Variants in NRDC observed in about 807,000 individuals in gnomAD.
The protein encoded by NRDC is nardilysin.
Under a neutral mutation model 147.1 loss-of-function variants are expected in NRDC, and 54 were observed. The ratio of observed to expected loss-of-function variants is 0.37; its 90% CI spans 0.29 to 0.46. The LOEUF (loss-of-function observed/expected upper bound fraction) is 0.46. Among genes scored for constraint, NRDC ranks in the 20% least tolerant of loss-of-function variants. NRDC has a pLI of 1.00. For synonymous variants in NRDC, 440 were observed against 482.1 expected (o/e 0.91, Z 1.14); for missense variants, 1,082 against 1,370.6 (o/e 0.79, Z 3.33).
In NRDC at chr1:51,821,629, C is replaced by T. The variant is rs1280568877; in HGVS notation, c.1160-74G>A. On this transcript the variant is annotated intron_variant, in intron 7 of 30. Coordinates refer to ENST00000352171, the MANE Select transcript of NRDC (RefSeq NM_001101662.2). ...TCAAGGTAGAAATGCAATTAGATTT[C>T]TCAGAGATCTTTAGCTAAAAAACAA... 3 of 1,047,566 alleles carry T rather than the reference C, an allele frequency of 2.9e-6. No individual in the cohort carries two copies. In the East Asian group the frequency reaches 7.2e-5, roughly 25 times the overall value. 64.9% of individuals were successfully genotyped at this position (1,047,566 alleles called of 1,614,324 possible). A position where few individuals can be genotyped will look rare whatever the true frequency, so the allele number is the denominator to read the frequency against.
intron 29 of NRDC, 43 bp from the exon 30 acceptor site, chr1:51,789,700 G>T: frequency 7.1e-7 from 1 of 1,403,594 alleles, no homozygotes; most frequent in Non-Finnish European, 1.0e-6. Context: ...CAAGAAGAAA[G>T]ATAGCTCTTA....
chr1:51,798,319 A>G lies in NRDC; in HGVS notation c.2534T>C (p.Leu845Pro). 6.2e-7 allele frequency: 1 copy of G among 1,614,204 alleles called. No homozygotes were observed. The highest frequency in any genetic ancestry group is 8.5e-7 in the Non-Finnish European group (1 of 1,179,994). ...GGATTTGAATTCTTTGACGAAGCTC[A>G]GCAGAGACTCAAGGGAAAGGCCGTC... Reference protein sequence around the residue: ...LMDGLSLESLLSFVKEFKSQL... With the variant: ...LMDGLSLESLPSFVKEFKSQL... The change falls in exon 22 of 31, where the codon CTG becomes CCG. Residue 845 changes from leucine (L) to proline (P), a missense_variant. Physicochemically the swap from Leu to Pro is moderately conservative, Grantham distance 98 (BLOSUM62 -3). Around this residue, in one of 3 missense-constraint regions of NRDC, gnomAD observed 635 missense variants for 923.8 expected, o/e 0.69. Transcript: ENST00000352171.
chr1:51,823,584 A>G (rs934046161), intron 7 of NRDC, 80 bp downstream of exon 7: 6 of 1,050,100 alleles, frequency 5.7e-6, no homozygotes, highest in Non-Finnish European at 8.1e-6. Flanking sequence ...TTAATAGTAC[A>G]CTACAACACT....
At chr1:51,851,525 A>G (rs1681947204) in intron 1 of NRDC, among the ~76,000 whole-genome samples, 1 of 149,026 alleles carries the variant, frequency 6.7e-6, no homozygotes, top group Non-Finnish European at 1.5e-5. Flanking sequence ...GAATTGGGCC[A>G]TTTTTAGATT....
chr1:51,797,583 G>A (rs1678989612), intron 22 of NRDC, among the ~76,000 whole-genome samples: 1 of 152,056 alleles, frequency 6.6e-6, no homozygotes, highest in Non-Finnish European at 1.5e-5. Context: ...ATGTATCTAT[G>A]TATGTATCCG....
At chr1:51,858,920 T>A (rs1193680759) in intron 1 of NRDC, among the ~76,000 whole-genome samples, 1 of 152,254 alleles carries the variant, frequency 6.6e-6, no homozygotes, top group Non-Finnish European at 1.5e-5. Flanking sequence ...TTTAAATTTA[T>A]GTAACAAGTC....
chr1:51,826,943 T>C (rs1680472376), intron 5 of NRDC, among the ~76,000 whole-genome samples: 1 of 152,220 alleles, frequency 6.6e-6, no homozygotes, highest in South Asian at 2.1e-4. Context: ...TTCTTGAGTC[T>C]CAAAATATGA....
chr1:51,858,906 T>C (rs767598799), intron 1 of NRDC, among the ~76,000 whole-genome samples: 1 of 152,254 alleles, frequency 6.6e-6, no homozygotes, highest in Non-Finnish European at 1.5e-5. Context: ...ACTTTTACCA[T>C]AGTTTTAAAT....
chr1:51,834,708 AG>A (rs1680866299), intron 3 of NRDC, among the ~76,000 whole-genome samples: 1 of 152,222 alleles, frequency 6.6e-6, no homozygotes, highest in South Asian at 2.1e-4. Flanking sequence ...TCATCTTTAA[AG>A]AAAGATAAGA....
At chr1:51,845,241 C>G (rs1333440560) in intron 1 of NRDC, among the ~76,000 whole-genome samples, 2 of 152,172 alleles carry the variant, frequency 1.3e-5, no homozygotes, top group African/African-American at 4.8e-5. Context: ...CTTAGGGGCC[C>G]TTGACCCAGA....
chr1:51,792,322 C>T, intron 25 of NRDC, 55 bp downstream of exon 25: 1 of 1,569,854 alleles, frequency 6.4e-7, no homozygotes, highest in African/African-American at 1.3e-5. Flanking sequence ...AAAGGCCGGG[C>T]CTCATAGTGG....
At chr1:51,863,013 G>GAAAAAAAAAAAAA (rs562410956) in intron 1 of NRDC, among the ~76,000 whole-genome samples, 14 of 32,032 alleles carry the variant, frequency 4.4e-4, no homozygotes, top group African/African-American at 8.8e-4. Context: ...CTGTGTGGAG[G>GAAAAAAAAAAAAA]AAAAAAAAAA....
chr1:51,876,481 A>G (rs1683333162), intron 1 of NRDC, among the ~76,000 whole-genome samples: 3 of 152,214 alleles, frequency 2.0e-5, no homozygotes, highest in Admixed American at 6.5e-5. Context: ...TGCATGAAAC[A>G]AAGTTTGTGT....
At chr1:51,798,579 T>G in intron 21 of NRDC, 168 bp from the exon 22 acceptor site, 1 of 575,322 alleles carries the variant, frequency 1.7e-6, no homozygotes. Context: ...AAAAAAGTAC[T>G]GAAAACCACA....
intron 1 of NRDC, among the ~76,000 whole-genome samples, chr1:51,871,043 G>A (rs1376589575): frequency 3.3e-5 from 5 of 152,046 alleles, no homozygotes; most frequent in African/African-American, 1.2e-4. Flanking sequence ...TTGGCCGGGC[G>A]TGGTGCCTCA....
intron 1 of NRDC, among the ~76,000 whole-genome samples, chr1:51,851,642 C>T (rs949303432): frequency 1.3e-5 from 2 of 151,746 alleles, no homozygotes; most frequent in Non-Finnish European, 2.9e-5. Context: ...AACCTTTAAA[C>T]TGGACCCCTA....
intron 1 of NRDC, among the ~76,000 whole-genome samples, chr1:51,846,454 T>G (rs568187008): frequency 8.7e-4 from 133 of 152,314 alleles, no homozygotes; most frequent in Non-Finnish European, 1.6e-3. Context: ...TCTTTTTGTG[T>G]CTGGAATTGT....
intron 8 of NRDC, among the ~76,000 whole-genome samples, chr1:51,821,294 G>A (rs943206023): frequency 1.3e-5 from 2 of 152,062 alleles, no homozygotes; most frequent in African/African-American, 4.8e-5. Context: ...TTACAAGCCT[G>A]TAAATTTTGA....
At chr1:51,833,325 CG>C (rs980201295) in intron 4 of NRDC, among the ~76,000 whole-genome samples, 39 of 151,512 alleles carry the variant, frequency 2.6e-4, no homozygotes, top group Admixed American at 2.4e-3. Flanking sequence ...TAGCTGGGAG[CG>C]GTGGCACATT....
Sources: allele counts gnomAD v4.1 joint callset (sites outside exome capture counted in the v4.1 genomes callset), GRCh38; gene constraint gnomAD v4.1.1; regional missense constraint gnomAD v4.1.1; transcripts MANE v1.5; gene names NCBI Gene and HGNC (gene_info 2026-07-23, HGNC 2026-07-21).